Variants in DCC observed in about 807,000 individuals in gnomAD.
DCC encodes DCC netrin 1 receptor.
In DCC, 58 loss-of-function variants were observed where a neutral mutation model predicts 172.5. The observed-to-expected ratio is 0.34, with a 90% CI of 0.27 to 0.42. The LOEUF is 0.42. DCC is among the 10% of genes least tolerant of loss of function. DCC has a pLI of 1.00. For missense variants in DCC, 1,740 were observed against 1,791.0 expected (o/e 0.97, Z 0.51); for synonymous variants, 709 against 644.5 (o/e 1.10, Z -1.52).
In DCC at chr18:53,181,279, C is replaced by A. The variant is rs889374522; in HGVS notation, c.1573+2163C>A. ...GAGCTGACTAGTCATGATTACATTGCATTTCTGATAAAAATCCTGGTTGGT... is the reference window on the plus strand; with the variant it reads ...GAGCTGACTAGTCATGATTACATTGAATTTCTGATAAAAATCCTGGTTGGT... On this transcript the variant is annotated intron_variant, in intron 9 of 28. Coordinates refer to ENST00000442544, the MANE Select transcript of DCC (RefSeq NM_005215.4). Among the ~76,000 whole-genome samples, 37 of 152,224 alleles carry A rather than the reference C, an allele frequency of 2.4e-4. 1 individual carries two copies. Among genetic ancestry groups the A allele is most frequent in the Non-Finnish European group, 8.8e-5 (6 of 67,998 alleles).
chr18:52,791,188 T>C (rs1326955442), intron 2 of DCC, among the ~76,000 whole-genome samples: 1 of 152,174 alleles, frequency 6.6e-6, no homozygotes, highest in African/African-American at 2.4e-5. Context: ...GCCTGTCTGA[T>C]ATGATTGCTA....
intron 5 of DCC, among the ~76,000 whole-genome samples, chr18:52,942,984 A>T (rs2145528079): frequency 6.6e-6 from 1 of 152,332 alleles, no homozygotes; most frequent in Non-Finnish European, 1.5e-5. Flanking sequence ...TTAATGGTAG[A>T]TATAAAATAC....
At chr18:52,500,542 T>C (rs968480353) in intron 1 of DCC, among the ~76,000 whole-genome samples, 22 of 152,190 alleles carry the variant, frequency 1.4e-4, no homozygotes, top group Non-Finnish European at 3.1e-4. Context: ...ACAATTATTT[T>C]GGCGCTAATA....
chr18:52,820,586 G>C (rs1469482600), intron 2 of DCC, among the ~76,000 whole-genome samples: 3 of 152,008 alleles, frequency 2.0e-5, no homozygotes, highest in Non-Finnish European at 4.4e-5. Flanking sequence ...CTACAGAATT[G>C]AACAGGATGA....
At chr18:53,030,371 T>C (rs895124545) in intron 5 of DCC, among the ~76,000 whole-genome samples, 14 of 152,214 alleles carry the variant, frequency 9.2e-5, no homozygotes, top group African/African-American at 3.4e-4. Context: ...CAATAAAGTG[T>C]GTGGAATGAC....
At chr18:52,907,241 C>CATACATGATATGTCATGG (rs2039897484) in intron 3 of DCC, among the ~76,000 whole-genome samples, 1 of 102,656 alleles carries the variant, frequency 9.7e-6, no homozygotes, top group Non-Finnish European at 2.0e-5. Context: ...TGATAGATAT[C>CATACATGATATGTCATGG]ATATATACAT....
chr18:52,908,900 G>A (rs1330579562), intron 3 of DCC, among the ~76,000 whole-genome samples: 5 of 152,074 alleles, frequency 3.3e-5, no homozygotes, highest in Admixed American at 6.6e-5. Context: ...GTACATGCAC[G>A]TGTGTACACA....
At chr18:53,519,148 G>A (rs1376836290) in intron 27 of DCC, among the ~76,000 whole-genome samples, 1 of 152,088 alleles carries the variant, frequency 6.6e-6, no homozygotes, top group East Asian at 1.9e-4. Flanking sequence ...TATTATCCTT[G>A]TGTAATTTTC....
At chr18:52,949,214 A>G (rs910760607) in intron 5 of DCC, among the ~76,000 whole-genome samples, 6 of 152,198 alleles carry the variant, frequency 3.9e-5, no homozygotes, top group South Asian at 2.1e-4. Context: ...ACTGTCAGCA[A>G]CTTGAGAGGC....
chr18:52,413,199 C>A (rs1253805663), intron 1 of DCC, among the ~76,000 whole-genome samples: 4 of 151,170 alleles, frequency 2.6e-5, no homozygotes, highest in Non-Finnish European at 5.9e-5. Flanking sequence ...GAAAATTGGA[C>A]AGAGTACATA....
At chr18:53,410,362 T>A in intron 19 of DCC, 90 bp from the exon 20 acceptor site, 1 of 805,188 alleles carries the variant, frequency 1.2e-6, no homozygotes, top group Non-Finnish European at 2.2e-6. Context: ...TAATAATTAT[T>A]GTAAATTACA....
At chr18:53,374,430 AC>A (rs1339339242) in intron 15 of DCC, among the ~76,000 whole-genome samples, 1 of 152,200 alleles carries the variant, frequency 6.6e-6, no homozygotes, top group Non-Finnish European at 1.5e-5. Flanking sequence ...TATGCATGAA[AC>A]TATGTATTAT....
intron 9 of DCC, among the ~76,000 whole-genome samples, chr18:53,197,833 T>C (rs940861439): frequency 6.6e-6 from 1 of 152,092 alleles, no homozygotes; most frequent in African/African-American, 2.4e-5. Context: ...GATGTTTAGA[T>C]AGTTGAATGA....
chr18:53,519,587 C>T (rs1011633095), intron 27 of DCC, among the ~76,000 whole-genome samples: 2 of 151,560 alleles, frequency 1.3e-5, no homozygotes, highest in African/African-American at 4.8e-5. Flanking sequence ...GGGAGAGATC[C>T]CAGAGGATGC....
At chr18:53,028,380 C>T (rs1444936469) in intron 5 of DCC, among the ~76,000 whole-genome samples, 2 of 151,940 alleles carry the variant, frequency 1.3e-5, no homozygotes, top group Non-Finnish European at 2.9e-5. Flanking sequence ...AGCCCCTGTC[C>T]CCCCAGCTAA....
intron 1 of DCC, among the ~76,000 whole-genome samples, chr18:52,609,099 A>G (rs62083417): frequency 0.069 from 10,435 of 152,208 alleles, 454 homozygotes; most frequent in Middle Eastern, 0.11. Flanking sequence ...GTAAATAAAT[A>G]TAAAGGTGTG....
intron 5 of DCC, among the ~76,000 whole-genome samples, chr18:53,047,235 GATATATATATAT>G (rs70944616): frequency 1.2e-3 from 36 of 30,270 alleles, no homozygotes; most frequent in East Asian, 9.6e-3. Context: ...CTGCAGGTAG[GATATATATATAT>G]ATATATATAT....
chr18:53,445,051 A>AT (rs1289102783), intron 22 of DCC, among the ~76,000 whole-genome samples: 15 of 152,104 alleles, frequency 9.9e-5, no homozygotes, highest in African/African-American at 3.4e-4. Flanking sequence ...AAAAATCCAA[A>AT]TTTTTTTAAA....
At chr18:53,385,923 A>G in intron 15 of DCC, 120 bp from the exon 16 acceptor site, 1 of 748,756 alleles carries the variant, frequency 1.3e-6, no homozygotes, top group African/African-American at 1.7e-5. Context: ...CAACTCACTC[A>G]TTCTTAAACA....
Sources: gnomAD v4.1 joint callset for allele counts (sites outside exome capture counted in the v4.1 genomes callset) on GRCh38, gnomAD v4.1.1 for gene constraint, MANE v1.5 for transcripts, NCBI Gene and HGNC (gene_info 2026-07-23, HGNC 2026-07-21) for gene names.